The following GRM7 variants were observed in gnomAD, a reference collection of about 807,000 sequenced individuals.
The protein encoded by GRM7 is glutamate metabotropic receptor 7.
In GRM7, 35 loss-of-function variants were observed where a neutral mutation model predicts 84.5. The observed-to-expected ratio is 0.41, with a 90% confidence interval of 0.32 to 0.55. The LOEUF is 0.55. Among genes scored for constraint, GRM7 ranks in the 20% least tolerant of loss-of-function variants. The pLI is 0.19. For synonymous variants in GRM7, 487 were observed against 455.1 expected (o/e 1.07, Z -0.89); for missense variants, 1,003 against 1,194.6 (o/e 0.84, Z 2.36).
At chr3:7,615,408 T>C (rs1697035313) in intron 8 of GRM7, among the ~76,000 whole-genome samples, 2 of 152,188 alleles carry the variant, frequency 1.3e-5, no homozygotes, top group Non-Finnish European at 2.9e-5. Flanking sequence ...TTTTGGTCAT[T>C]TTCTCTTGAA....
At chr3:7,047,720 C>G (rs1696853248) in intron 1 of GRM7, among the ~76,000 whole-genome samples, 1 of 152,054 alleles carries the variant, frequency 6.6e-6, no homozygotes, top group Admixed American at 6.6e-5. Flanking sequence ...CTAGTAGTAA[C>G]AGGAAGACCT....
intron 2 of GRM7, among the ~76,000 whole-genome samples, chr3:7,246,256 A>C (rs1240790320): frequency 1.3e-5 from 2 of 152,128 alleles, no homozygotes; most frequent in Non-Finnish European, 2.9e-5. Flanking sequence ...CTATGTGGCA[A>C]ATGTGGCTCC....
intron 1 of GRM7, among the ~76,000 whole-genome samples, chr3:6,955,339 C>A (rs1692990076): frequency 6.6e-6 from 1 of 151,994 alleles, no homozygotes; most frequent in African/African-American, 2.4e-5. Flanking sequence ...AGCTCCAGAC[C>A]AGCCTGGTCC....
chr3:7,434,427 C>T (rs1038252264), intron 5 of GRM7, among the ~76,000 whole-genome samples: 5 of 152,076 alleles, frequency 3.3e-5, no homozygotes, highest in African/African-American at 1.2e-4. Context: ...AGAGATTTTG[C>T]AAATGTTTAT....
chr3:7,654,207 G>A (rs1699081826), intron 8 of GRM7, among the ~76,000 whole-genome samples: 1 of 152,106 alleles, frequency 6.6e-6, no homozygotes, highest in Admixed American at 6.5e-5. Context: ...AAGTAGAGAG[G>A]GTTCATAAAT....
At chr3:7,413,935 G>C (rs1209314881) in intron 4 of GRM7, among the ~76,000 whole-genome samples, 1 of 152,098 alleles carries the variant, frequency 6.6e-6, no homozygotes, top group Non-Finnish European at 1.5e-5. Flanking sequence ...CCACCAAAAT[G>C]TGAAACTCAC....
intron 9 of GRM7, among the ~76,000 whole-genome samples, chr3:7,701,375 A>T (rs2125158667): frequency 7.0e-6 from 1 of 143,100 alleles, no homozygotes; most frequent in Admixed American, 7.6e-5. Flanking sequence ...ATCTCGGCTC[A>T]CTACAAGCTC....
chr3:7,722,039 G>T (rs772737396), intron 9 of GRM7, among the ~76,000 whole-genome samples: 4 of 152,184 alleles, frequency 2.6e-5, no homozygotes, highest in Non-Finnish European at 5.9e-5. Flanking sequence ...TAGGTGCTCT[G>T]ACATCTCCTT....
chr3:7,508,680 A>C (rs912836235), intron 7 of GRM7, among the ~76,000 whole-genome samples: 3 of 152,150 alleles, frequency 2.0e-5, no homozygotes, highest in Non-Finnish European at 4.4e-5. Flanking sequence ...TTGTTTTTGG[A>C]AAAACGGTTC....
At chr3:7,021,820 C>A (rs748793527) in intron 1 of GRM7, among the ~76,000 whole-genome samples, 7 of 152,206 alleles carry the variant, frequency 4.6e-5, no homozygotes, top group African/African-American at 9.7e-5. Flanking sequence ...GTATAAGACA[C>A]TGCTTAGGTA....
intron 1 of GRM7, among the ~76,000 whole-genome samples, chr3:7,113,509 C>G (rs1692929312): frequency 6.6e-6 from 1 of 152,108 alleles, no homozygotes; most frequent in Admixed American, 6.6e-5. Flanking sequence ...CTGAGCATCC[C>G]AAAGTGCTGG....
chr3:6,941,028 A>G (rs1407192948), intron 1 of GRM7, among the ~76,000 whole-genome samples: 1 of 152,190 alleles, frequency 6.6e-6, no homozygotes, highest in African/African-American at 2.4e-5. Flanking sequence ...TGGCCACTTA[A>G]GCCTCCATCA....
chr3:6,862,022 C>A lies in GRM7; in HGVS notation c.519+115C>A. On this transcript the variant is annotated intron_variant, in intron 1 of 9. Transcript: ENST00000357716. The surrounding 1 kb of genome is among the most constrained non-coding windows in gnomAD (Gnocchi z 5.2). ...CAGGTCAGCCTTCGCTCATTTCCTC[C>A]CTGGAGATCCTGCCGAATCCCTCCC... 1 of 807,934 alleles carries A rather than the reference C, an allele frequency of 1.2e-6. No individual in the cohort carries two copies. The highest frequency in any genetic ancestry group is 1.9e-6 in the Non-Finnish European group (1 of 518,198). The allele number at this position is 807,934 out of a possible 1,614,324, so 50.0% of individuals were successfully genotyped here.
chr3:7,340,378 G>A (rs1701593047), intron 4 of GRM7, among the ~76,000 whole-genome samples: 1 of 152,126 alleles, frequency 6.6e-6, no homozygotes, highest in Non-Finnish European at 1.5e-5. Flanking sequence ...AGAAGGGGAA[G>A]CAGACACATC....
At chr3:7,164,810 T>A (rs1001445106) in intron 2 of GRM7, among the ~76,000 whole-genome samples, 1 of 152,206 alleles carries the variant, frequency 6.6e-6, no homozygotes, top group Non-Finnish European at 1.5e-5. Context: ...TTCAAGCATT[T>A]CTTCAGTTCT....
chr3:7,582,383 T>G (rs1373245693), intron 8 of GRM7, among the ~76,000 whole-genome samples: 1 of 152,152 alleles, frequency 6.6e-6, no homozygotes, highest in Non-Finnish European at 1.5e-5. Flanking sequence ...TAACATATCT[T>G]TATACACAGG....
chr3:7,268,988 A>G (rs1698750916), intron 2 of GRM7, among the ~76,000 whole-genome samples: 1 of 152,142 alleles, frequency 6.6e-6, no homozygotes, highest in African/African-American at 2.4e-5. Context: ...CCTCCATCAG[A>G]CAGAATGTGT....
intron 5 of GRM7, among the ~76,000 whole-genome samples, chr3:7,417,106 G>A (rs1696195318): frequency 6.6e-6 from 1 of 152,044 alleles, no homozygotes; most frequent in African/African-American, 2.4e-5. Flanking sequence ...AAACTAGTAA[G>A]GTCATTATGC....
chr3:7,724,258 A>G (rs1702047086), intron 9 of GRM7, among the ~76,000 whole-genome samples: 1 of 152,226 alleles, frequency 6.6e-6, no homozygotes. Context: ...CCCATGCCAC[A>G]GATGCCCTCA....
Sources: gnomAD v4.1 joint callset for allele counts (sites outside exome capture counted in the v4.1 genomes callset) on GRCh38, gnomAD v4.1.1 for gene constraint, Gnocchi (gnomAD v3.1) non-coding constraint, MANE v1.5 for transcripts, NCBI Gene and HGNC (gene_info 2026-07-23, HGNC 2026-07-21) for gene names.